Variants in TTC4 observed in about 807,000 individuals in gnomAD.
TTC4 encodes the protein tetratricopeptide repeat domain 4, also known as hsp70/Hsp90 co-chaperone CNS1 homolog.
A neutral mutation model predicts 51.9 loss-of-function variants in TTC4; 36 were observed. That is an observed-to-expected ratio of 0.69 (90% CI 0.53 to 0.92). The LOEUF (loss-of-function observed/expected upper bound fraction) is 0.92, where lower values mean the gene tolerates loss of function less well. Ranked by LOEUF, TTC4 falls within the 40% of genes least tolerant of loss-of-function variation. The pLI is 0.00. For missense variants in TTC4, 399 were observed against 454.6 expected, an observed-to-expected ratio of 0.88 and a Z score of 1.11; for synonymous variants, 144 against 164.2, an observed-to-expected ratio of 0.88 and a Z score of 0.94.
chr1:54,731,539 A>C lies in TTC4; in HGVS notation c.735A>C (p.Ser245=). ...EAACEDEDSA[S]EGLGELFLDG... ...CCTGTGAGGATGAAGATTCAGCCTC[A>C]GAAGGTCTAGGTGAGCTTTTCCTGG... Residue 245 remains serine, a synonymous_variant, in exon 7 of 10, where the codon TCA becomes TCC. Coordinates refer to ENST00000371281, the MANE Select transcript of TTC4 (RefSeq NM_004623.5). The C allele has an allele frequency of 6.2e-7, 1 of 1,614,008 alleles. No individual in the cohort carries two copies. The highest frequency in any genetic ancestry group is 1.1e-5 in the South Asian group (1 of 91,078).
Position 54,717,753 on chromosome 1 carries a change from CAG to C in TTC4, c.391+102_391+103del, listed in dbSNP as rs1432538650. The C allele has an allele frequency of 3.6e-6, 4 of 1,114,378 alleles. No homozygotes were observed. The South Asian group carries it at 1.1e-4, about 30-fold the overall frequency. 69.0% of individuals were successfully genotyped at this position (1,114,378 alleles called of 1,614,324 possible). A position where few individuals can be genotyped will look rare whatever the true frequency, so the allele number is the denominator to read the frequency against. On this transcript the variant is annotated intron_variant, in intron 3 of 9. Transcript: ENST00000371281. ...ATCAGAGGATGAGGGGCTGTTATCC[CAG>C]AAACCCAGACTAAGGATAGTTTACT...
At chr1:54,729,326 G>A (rs1401748627) in intron 6 of TTC4, among the ~76,000 whole-genome samples, 2 of 152,178 alleles carry the variant, frequency 1.3e-5, no homozygotes, top group African/African-American at 4.8e-5. Context: ...AAGCAAAACC[G>A]TGGATAAGGG....
chr1:54,717,822 G>A (rs532199201), intron 3 of TTC4, 169 bp downstream of exon 3: 3 of 565,374 alleles, frequency 5.3e-6, no homozygotes, highest in Non-Finnish European at 8.2e-6. Flanking sequence ...GATGAAAAGA[G>A]AAACAGGATG....
chr1:54,733,491 G>T, intron 7 of TTC4, 138 bp from the exon 8 acceptor site: 1 of 469,394 alleles, frequency 2.1e-6, no homozygotes. Context: ...ACACATTTGG[G>T]GTACTGCTGT....
intron 9 of TTC4, among the ~76,000 whole-genome samples, chr1:54,739,576 T>TTGTC (rs1372147487): frequency 6.6e-6 from 1 of 152,258 alleles, no homozygotes. Context: ...GATTTGGCAG[T>TTGTC]TGTCTCAGAG....
chr1:54,729,752 G>A (rs1415929952), intron 6 of TTC4, among the ~76,000 whole-genome samples: 1 of 147,682 alleles, frequency 6.8e-6, no homozygotes, highest in Non-Finnish European at 1.5e-5. Context: ...GAGATGGAAT[G>A]TCTCTCTGTC....
intron 8 of TTC4, among the ~76,000 whole-genome samples, chr1:54,735,728 G>C (rs1016659013): frequency 6.6e-6 from 1 of 152,224 alleles, no homozygotes; most frequent in African/African-American, 2.4e-5. Flanking sequence ...GCTTTGAAAT[G>C]GTGTAAATAT....
intron 3 of TTC4, among the ~76,000 whole-genome samples, chr1:54,719,380 CT>C (rs1313340729): frequency 6.7e-6 from 1 of 149,768 alleles, no homozygotes; most frequent in Admixed American, 6.6e-5. Flanking sequence ...TTCCTTAAGC[CT>C]GATACATCAG....
chr1:54,719,472 G>A (rs1645717624), intron 3 of TTC4, among the ~76,000 whole-genome samples: 1 of 152,196 alleles, frequency 6.6e-6, no homozygotes, highest in African/African-American at 2.4e-5. Flanking sequence ...GAGAGAGAGT[G>A]GGGATTGAGT....
intron 3 of TTC4, among the ~76,000 whole-genome samples, chr1:54,719,845 C>G (rs1185271600): frequency 1.3e-5 from 2 of 151,306 alleles, no homozygotes; most frequent in African/African-American, 4.9e-5. Flanking sequence ...AACTAGGACT[C>G]AGAGTCCACC....
rs147358760 is a variant in TTC4 at position 54,725,976 on chromosome 1, C to G, written c.595-2370C>G. 2.5e-3 allele frequency among the ~76,000 whole-genome samples: 377 copies of G among 152,186 alleles called. 2 individuals are homozygous for G. Among genetic ancestry groups the G allele is most frequent in the African/African-American group, 8.4e-3 (349 of 41,522 alleles). ...AGGATGAAGAGAGACTTGTATGATG[C>G]CATCAAGCATACCAACAAAGGCATA... On this transcript the variant is annotated intron_variant, in intron 5 of 9. Coordinates refer to ENST00000371281, the MANE Select transcript of TTC4 (RefSeq NM_004623.5).
rs979079385 is a variant in TTC4 at position 54,742,209 on chromosome 1, T to C, written c.*696T>C. 1 of 152,258 alleles carries C rather than the reference T, an allele frequency of 6.6e-6. No individual in the cohort carries two copies. Among genetic ancestry groups the C allele is most frequent in the African/African-American group, 2.4e-5 (1 of 41,444 alleles). The allele number at this position is 152,258 out of a possible 1,614,324, so 9.4% of individuals were successfully genotyped here. On this transcript the variant is annotated 3_prime_UTR_variant, in exon 10 of 10. Coordinates refer to ENST00000371281, the MANE Select transcript of TTC4 (RefSeq NM_004623.5). ...TTTGACATTTAGGATTTTGTGTCTT[T>C]TAAACTGGAAAATCTTCTAGCATGT...
At chr1:54,732,970 C>T (rs1645885967) in intron 7 of TTC4, among the ~76,000 whole-genome samples, 1 of 150,282 alleles carries the variant, frequency 6.7e-6, no homozygotes, top group Non-Finnish European at 1.5e-5. Flanking sequence ...GCCTGTAGTC[C>T]CAGCTGTCTG....
intron 7 of TTC4, among the ~76,000 whole-genome samples, chr1:54,733,195 T>TA (rs2101348841): frequency 6.6e-6 from 1 of 151,526 alleles, no homozygotes; most frequent in South Asian, 2.1e-4. Flanking sequence ...GGCAGGAGGA[T>TA]AATTTGAGCC....
intron 7 of TTC4, among the ~76,000 whole-genome samples, chr1:54,731,981 T>C (rs1448054557): frequency 6.6e-6 from 1 of 151,902 alleles, no homozygotes; most frequent in African/African-American, 2.4e-5. Context: ...ACTGGTGAAA[T>C]AGGAAGTCAT....
Position 54,718,713 on chromosome 1 carries a change from A to T in TTC4, c.391+1060A>T, listed in dbSNP as rs181476996. ...ACATCATGCAGGTTCTGTAGTCGTA[A>T]ATTTGGGAAATGATTATTTAAGTAG... is the stretch of plus-strand genomic sequence containing the variant. On this transcript the variant is annotated intron_variant, in intron 3 of 9. Transcript: ENST00000371281. Among the ~76,000 whole-genome samples, 123 of 152,318 alleles carry T rather than the reference A, an allele frequency of 8.1e-4. 1 individual carries two copies. The highest frequency in any genetic ancestry group is 2.8e-3 in the African/African-American group (118 of 41,574).
At chr1:54,736,211 A>T (rs1425254152) in intron 8 of TTC4, among the ~76,000 whole-genome samples, 2,225 of 103,336 alleles carry the variant, frequency 0.022, 240 homozygotes, top group East Asian at 0.078. Context: ...AGAGAGAGAG[A>T]GAGAGAGAGA....
intron 2 of TTC4, among the ~76,000 whole-genome samples, chr1:54,717,291 T>G (rs1645687909): frequency 1.3e-5 from 2 of 152,232 alleles, no homozygotes; most frequent in Admixed American, 6.5e-5. Flanking sequence ...ATCTACCTTG[T>G]AAGATATTTG....
At position 54,726,183 on chromosome 1, in the gene TTC4, A is replaced by G. The variant is rs144138421; in HGVS notation, c.595-2163A>G. Among the ~76,000 whole-genome samples, 123 of 152,352 alleles carry G rather than the reference A, an allele frequency of 8.1e-4. 1 individual carries two copies. Among genetic ancestry groups the G allele is most frequent in the African/African-American group, 2.8e-3 (118 of 41,588 alleles). The stretch of plus-strand genomic sequence containing the variant: ...TAAACACATTATAATTAAACTGTTG[A>G]AAAACAAAGAAGAGAACCTTAAAAG... On this transcript the variant is annotated intron_variant, in intron 5 of 9. Transcript: ENST00000371281.
Sources: gnomAD v4.1 joint callset for allele counts (sites outside exome capture counted in the v4.1 genomes callset) on GRCh38, gnomAD v4.1.1 for gene constraint, MANE v1.5 for transcripts, NCBI Gene and HGNC (gene_info 2026-07-23, HGNC 2026-07-21) for gene names.